CNTN5: variants seen among roughly 807,000 people sequenced by gnomAD.
CNTN5 encodes the protein contactin 5.
CNTN5 carries 77 observed loss-of-function variants against 129.1 expected under a neutral mutation model. The ratio of observed to expected loss-of-function variants is 0.60; its 90% CI spans 0.50 to 0.72. The LOEUF is 0.72. CNTN5 is among the 30% of genes least tolerant of loss of function. The pLI is 0.00. For synonymous variants in CNTN5, 509 were observed against 465.6 expected, an observed-to-expected ratio of 1.09 and a Z score of -1.20; for missense variants, 1,478 against 1,328.8, an observed-to-expected ratio of 1.11 and a Z score of -1.75.
intron 15 of CNTN5, among the ~76,000 whole-genome samples, chr11:100,212,624 G>A (rs1364629049): frequency 1.3e-5 from 2 of 152,108 alleles, no homozygotes; most frequent in African/African-American, 2.4e-5. Flanking sequence ...TTAGCTGTAC[G>A]ACCTTGGGGA....
chr11:100,164,181 C>G (rs1947547325), intron 13 of CNTN5, among the ~76,000 whole-genome samples: 3 of 151,682 alleles, frequency 2.0e-5, no homozygotes, highest in Admixed American at 1.3e-4. Context: ...TTCTCTATGT[C>G]CATCATTTGG....
intron 3 of CNTN5, among the ~76,000 whole-genome samples, chr11:99,732,799 G>T (rs1377523737): frequency 2.6e-5 from 4 of 152,108 alleles, no homozygotes; most frequent in Admixed American, 1.3e-4. Context: ...CTGACATGAG[G>T]AATAGTATGA....
intron 21 of CNTN5, among the ~76,000 whole-genome samples, chr11:100,318,323 G>A (rs1363190143): frequency 2.0e-5 from 3 of 151,256 alleles, no homozygotes; most frequent in Non-Finnish European, 4.4e-5. Context: ...CTCTAAACAG[G>A]GGTTTCTCAT....
chr11:99,217,518 T>C (rs1193371796), intron 1 of CNTN5, among the ~76,000 whole-genome samples: 1 of 152,196 alleles, frequency 6.6e-6, no homozygotes, highest in Non-Finnish European at 1.5e-5. Flanking sequence ...CAGAACAATA[T>C]GGATAATGCA....
intron 8 of CNTN5, among the ~76,000 whole-genome samples, chr11:99,981,963 T>C (rs1224748331): frequency 6.6e-6 from 1 of 152,170 alleles, no homozygotes; most frequent in African/African-American, 2.4e-5. Context: ...ACTAAGTAGA[T>C]AGGAAAAGTG....
At chr11:100,085,292 G>A (rs7946617) in intron 13 of CNTN5, among the ~76,000 whole-genome samples, 25,994 of 151,798 alleles carry the variant, frequency 0.17, 2,361 homozygotes, top group East Asian at 0.31. Flanking sequence ...AAAATTCAGA[G>A]AAAACCTCTG....
At chr11:99,213,086 G>A (rs965616345) in intron 1 of CNTN5, among the ~76,000 whole-genome samples, 4 of 151,648 alleles carry the variant, frequency 2.6e-5, no homozygotes, top group African/African-American at 9.7e-5. Context: ...AGCTACTTGG[G>A]AAGTTGAGGC....
intron 13 of CNTN5, among the ~76,000 whole-genome samples, chr11:100,107,282 A>C (rs963778327): frequency 2.6e-5 from 4 of 152,104 alleles, no homozygotes; most frequent in Non-Finnish European, 5.9e-5. Context: ...CCTAGTGTAA[A>C]ATACAAGAGT....
chr11:99,438,407 G>A (rs912630077), intron 2 of CNTN5, among the ~76,000 whole-genome samples: 3 of 151,914 alleles, frequency 2.0e-5, no homozygotes, highest in Non-Finnish European at 4.4e-5. Context: ...AGTAATTGTT[G>A]GACAAGAATT....
rs546331434 is a variant in CNTN5 at position 99,972,826 on chromosome 11, A to C, written c.877+15817A>C. Among the ~76,000 whole-genome samples, 3 of 152,180 alleles carry C rather than the reference A, an allele frequency of 2.0e-5. No individual in the cohort carries two copies. In the East Asian group the frequency reaches 5.8e-4, roughly 29 times the overall value. Reference sequence around the variant, plus strand: ...CGAGACCAGTTATGATCTGTATACAAATTATCCTCACCCCATATATCTTAG... The same window carrying C: ...CGAGACCAGTTATGATCTGTATACACATTATCCTCACCCCATATATCTTAG... On this transcript the variant is annotated intron_variant, in intron 8 of 24. Coordinates refer to ENST00000524871, the MANE Select transcript of CNTN5 (RefSeq NM_014361.4).
chr11:100,251,637 T>G (rs1949965547), intron 16 of CNTN5, among the ~76,000 whole-genome samples: 1 of 152,182 alleles, frequency 6.6e-6, no homozygotes, highest in African/African-American at 2.4e-5. Flanking sequence ...GATCCTTTTT[T>G]TTAGCTTTCA....
At chr11:100,194,684 C>CA (rs1948589923) in intron 15 of CNTN5, among the ~76,000 whole-genome samples, 1 of 151,030 alleles carries the variant, frequency 6.6e-6, no homozygotes, top group Non-Finnish European at 1.5e-5. Flanking sequence ...AGCTGTGTAA[C>CA]ATAAAGCCAG....
At chr11:99,189,094 T>C (rs1858501812) in intron 1 of CNTN5, among the ~76,000 whole-genome samples, 1 of 151,846 alleles carries the variant, frequency 6.6e-6, no homozygotes, top group Admixed American at 6.6e-5. Context: ...GTATTCATCT[T>C]TCTGTGCTTA....
At chr11:100,088,309 A>G (rs1944632637) in intron 13 of CNTN5, among the ~76,000 whole-genome samples, 1 of 152,022 alleles carries the variant, frequency 6.6e-6, no homozygotes, top group South Asian at 2.1e-4. Flanking sequence ...CTAACAATCT[A>G]ACATCATACC....
At chr11:99,102,059 C>G (rs780110666) in intron 1 of CNTN5, among the ~76,000 whole-genome samples, 6 of 152,164 alleles carry the variant, frequency 3.9e-5, no homozygotes, top group Non-Finnish European at 8.8e-5. Context: ...TGCCTACAGT[C>G]TCAATACCAT....
intron 3 of CNTN5, among the ~76,000 whole-genome samples, chr11:99,736,949 T>G (rs1943730445): frequency 6.6e-6 from 1 of 151,874 alleles, no homozygotes; most frequent in Non-Finnish European, 1.5e-5. Context: ...AAGAAAATCA[T>G]AAAAGCCTGG....
At chr11:100,333,313 G>C (rs1951947855) in intron 21 of CNTN5, among the ~76,000 whole-genome samples, 1 of 140,098 alleles carries the variant, frequency 7.1e-6, no homozygotes, top group African/African-American at 2.6e-5. Context: ...TGGATGGGTA[G>C]AATCAATATT....
chr11:99,767,294 C>CAGAG (rs150648848), intron 3 of CNTN5, among the ~76,000 whole-genome samples: 9 of 149,864 alleles, frequency 6.0e-5, no homozygotes, highest in African/African-American at 2.2e-4. Context: ...ATTATTAAAT[C>CAGAG]AGAGAGAGAG....
At chr11:100,265,245 C>A (rs1049291433) in intron 17 of CNTN5, among the ~76,000 whole-genome samples, 2 of 152,264 alleles carry the variant, frequency 1.3e-5, no homozygotes, top group African/African-American at 2.4e-5. Flanking sequence ...GATGTGTCCT[C>A]TTCTAACTCA....
Sources: gnomAD v4.1 joint callset for allele counts (sites outside exome capture counted in the v4.1 genomes callset) on GRCh38, gnomAD v4.1.1 for gene constraint, MANE v1.5 for transcripts, NCBI Gene and HGNC (gene_info 2026-07-23, HGNC 2026-07-21) for gene names.